The following CRB1 variants were observed in gnomAD, a reference collection of about 807,000 sequenced individuals.
CRB1 encodes crumbs cell polarity complex component 1.
A neutral mutation model predicts 120.0 loss-of-function variants in CRB1; 83 were observed. The ratio of observed to expected loss-of-function variants is 0.69; its 90% confidence interval spans 0.58 to 0.83. The LOEUF (loss-of-function observed/expected upper bound fraction) is 0.83, where lower values mean the gene tolerates loss of function less well. Ranked by LOEUF, CRB1 falls within the 40% of genes least tolerant of loss-of-function variation. CRB1 has a pLI of 0.00. For synonymous variants in CRB1, 625 were observed against 612.5 expected, an observed-to-expected ratio of 1.02 and a Z score of -0.30; for missense variants, 1,699 against 1,687.6, an observed-to-expected ratio of 1.01 and a Z score of -0.12.
At chr1:197,202,921 A>G in the CRB1 span, among the ~76,000 whole-genome samples, 1 of 152,034 alleles carries the variant, frequency 6.6e-6, no homozygotes, top group Non-Finnish European at 1.5e-5. Context: ...AACTCATAAA[A>G]TTAGGTGCAA....
rs757740068 is a variant in CRB1, at chr1:197,435,539, G to T, written c.3676G>T (p.Gly1226Ter). ...CTGCCAGAGTCACCAGTGTGCAAAT[G>T]GAGCCACCTGCATTAGTCATACTAA... ...DNCQSHQCAN[G>*]ATCISHTNGY... Residue 1226 changes from glycine (G) to a stop codon, truncating the protein, a stop_gained, in exon 9 of 12, where the codon GGA becomes TGA. Transcript: ENST00000367400. LOFTEE classifies it high-confidence loss of function. The T allele has an allele frequency of 4.3e-6, 7 of 1,613,394 alleles. No individual in the cohort carries two copies. In the East Asian group the frequency reaches 1.1e-4, roughly 26 times the overall value.
At chr1:197,229,485 A>G in the CRB1 span, among the ~76,000 whole-genome samples, 1 of 152,156 alleles carries the variant, frequency 6.6e-6, no homozygotes, top group Non-Finnish European at 1.5e-5. Context: ...ATTCGGGGGT[A>G]CATTTGCAGA....
intron 5 of CRB1, among the ~76,000 whole-genome samples, chr1:197,412,259 C>T (rs1663749490): frequency 6.6e-6 from 1 of 152,188 alleles, no homozygotes; most frequent in Non-Finnish European, 1.5e-5. Context: ...TAATATTTAT[C>T]CAAGTTCACT....
intron 11 of CRB1, chr1:197,442,575 G>A: frequency 7.2e-7 from 1 of 1,394,508 alleles, no homozygotes; most frequent in Non-Finnish European, 9.4e-7. Context: ...GAAGCACTTT[G>A]TCTGTGTATA....
At chr1:197,398,970 A>G (rs546713651) in intron 5 of CRB1, among the ~76,000 whole-genome samples, 2 of 151,866 alleles carry the variant, frequency 1.3e-5, no homozygotes, top group African/African-American at 4.8e-5. Flanking sequence ...GTGACTATAT[A>G]TATGTATAAT....
chr1:197,463,492 A>C (rs559196512), intron 11 of CRB1, among the ~76,000 whole-genome samples: 1 of 152,150 alleles, frequency 6.6e-6, no homozygotes, highest in Non-Finnish European at 1.5e-5. Flanking sequence ...CAGTCTGCAG[A>C]TATGCCAACT....
At chr1:197,261,299 G>A in the CRB1 span, among the ~76,000 whole-genome samples, 17 of 152,208 alleles carry the variant, frequency 1.1e-4, 1 homozygote, top group Admixed American at 6.5e-4. Context: ...TTGAACAAAC[G>A]GGTGTGTAAA....
the CRB1 span, among the ~76,000 whole-genome samples, chr1:197,226,619 C>T: frequency 6.6e-6 from 1 of 151,904 alleles, no homozygotes; most frequent in Non-Finnish European, 1.5e-5. Context: ...GGGTAGAGCC[C>T]TCATGATGGG....
chr1:197,257,858 C>G, the CRB1 span, among the ~76,000 whole-genome samples: 4 of 152,172 alleles, frequency 2.6e-5, no homozygotes, highest in African/African-American at 4.8e-5. Context: ...GTCCTGTAGC[C>G]TCCCAGCTCT....
At chr1:197,298,334 T>C (rs1389206255) in intron 1 of CRB1, among the ~76,000 whole-genome samples, 1 of 152,068 alleles carries the variant, frequency 6.6e-6, no homozygotes, top group African/African-American at 2.4e-5. Flanking sequence ...TATATGGATG[T>C]AGATAAGTCT....
chr1:197,428,466 G>A (rs927571142), intron 7 of CRB1, among the ~76,000 whole-genome samples: 20 of 152,240 alleles, frequency 1.3e-4, no homozygotes, highest in East Asian at 1.2e-3. Flanking sequence ...GAAATCTTCC[G>A]AAATATAATT....
At chr1:197,389,816 G>A (rs546372946) in intron 5 of CRB1, among the ~76,000 whole-genome samples, 9 of 152,160 alleles carry the variant, frequency 5.9e-5, no homozygotes, top group Admixed American at 5.9e-4. Context: ...GTTAGACATA[G>A]GAGCTGAGGC....
rs1355198242 is a variant in CRB1 at position 197,427,714 on chromosome 1, T to A, written c.2389T>A (p.Ser797Thr). 1 of 1,613,964 alleles carries A rather than the reference T, an allele frequency of 6.2e-7. No homozygotes were observed. The highest frequency in any genetic ancestry group is 1.7e-5 in the Admixed American group (1 of 59,976). Residue 797 changes from serine (S) to threonine (T), a missense_variant, in exon 7 of 12, where the codon TCT becomes ACT. Physicochemically the swap from Ser to Thr is moderately conservative, Grantham distance 58. Transcript: ENST00000367400. The part of the protein sequence containing the change: ...VLNDGNVHLI[S>T]LKIKPYKIEL... ...TAATGATGGAAATGTCCACTTGATA[T>A]CTTTGAAAATCAAGCCATATAAAAT...
the CRB1 span, among the ~76,000 whole-genome samples, chr1:197,255,691 C>T: frequency 5.9e-5 from 9 of 152,034 alleles, no homozygotes; most frequent in South Asian, 1.9e-3. Flanking sequence ...ATACTTAACA[C>T]ATACTCCATT....
At chr1:197,425,046 C>T (rs912549335) in intron 6 of CRB1, among the ~76,000 whole-genome samples, 3 of 152,136 alleles carry the variant, frequency 2.0e-5, no homozygotes, top group Non-Finnish European at 4.4e-5. Flanking sequence ...GGCTTTTAAT[C>T]CAGATCCACA....
chr1:197,321,164 T>C (rs961217288), intron 1 of CRB1, among the ~76,000 whole-genome samples: 2 of 152,288 alleles, frequency 1.3e-5, no homozygotes, highest in Non-Finnish European at 2.9e-5. Context: ...ATGTGTGCCA[T>C]AGGGCTATGC....
intron 1 of CRB1, among the ~76,000 whole-genome samples, chr1:197,279,267 A>G (rs550256173): frequency 3.9e-5 from 6 of 151,934 alleles, no homozygotes; most frequent in East Asian, 3.9e-4. Flanking sequence ...AAAATTTTAC[A>G]TTTTATATAT....
At chr1:197,353,365 A>T (rs1660217153) in intron 4 of CRB1, among the ~76,000 whole-genome samples, 1 of 152,226 alleles carries the variant, frequency 6.6e-6, no homozygotes, top group Admixed American at 6.5e-5. Context: ...TGAAAGGGGA[A>T]GTTGTTGAAT....
chr1:197,442,284 G>GAGGTGGAC lies in CRB1; in HGVS notation c.3998_4005dup (p.Leu1336ArgfsTer8). The GAGGTGGAC allele has an allele frequency of 1.2e-6, 2 of 1,614,190 alleles. No homozygotes were observed. Among genetic ancestry groups the GAGGTGGAC allele is most frequent in the Non-Finnish European group, 1.7e-6 (2 of 1,180,030 alleles). Reference sequence around the variant, plus strand: ...TGTTGCCTTTGCTGGCGAGCGCTGCGAGGTGGACGTAAGCAGCCTCTCCTT... The same window carrying GAGGTGGAC: ...TGTTGCCTTTGCTGGCGAGCGCTGCGAGGTGGACAGGTGGACGTAAGCAGCCTCTCCTT... On this transcript the variant is annotated frameshift_variant, in exon 11 of 12. Coordinates refer to ENST00000367400, the MANE Select transcript of CRB1 (RefSeq NM_201253.3). LOFTEE classifies it low-confidence loss of function (END_TRUNC).
Sources: gnomAD v4.1 joint callset for allele counts (sites outside exome capture counted in the v4.1 genomes callset) on GRCh38, gnomAD v4.1.1 for gene constraint, MANE v1.5 for transcripts, NCBI Gene and HGNC (gene_info 2026-07-23, HGNC 2026-07-21) for gene names.